PRH1: variants seen among roughly 807,000 people sequenced by gnomAD.
PRH1 encodes the protein salivary acidic proline-rich phosphoprotein 1/2.
A neutral mutation model predicts 7.9 loss-of-function variants in PRH1; 7 were observed. The ratio of observed to expected loss-of-function variants is 0.89; its 90% CI spans 0.50 to 1.67. PRH1 has a LOEUF of 1.67. Among genes scored for constraint, PRH1 ranks in the 40% most tolerant of loss-of-function variants. The pLI is 0.00. For synonymous variants in PRH1, 45 were observed against 80.8 expected, an observed-to-expected ratio of 0.56 and a Z score of 2.38; for missense variants, 109 against 223.6, an observed-to-expected ratio of 0.49 and a Z score of 3.27.
At chr12:11,153,393 T>G (rs1477799944) in intron 1 of PRH1, among the ~76,000 whole-genome samples, 1 of 152,232 alleles carries the variant, frequency 6.6e-6, no homozygotes, top group African/African-American at 2.4e-5. Flanking sequence ...TCTTGAAAAT[T>G]GTATTTACAA....
intron 2 of PRH1, among the ~76,000 whole-genome samples, chr12:10,926,570 CG>C (rs1438743791): frequency 1.3e-5 from 2 of 152,116 alleles, no homozygotes; most frequent in African/African-American, 4.8e-5. Context: ...CTCTGATTGT[CG>C]TGAGGGAACT....
chr12:11,058,893 G>A (rs1943474504), intron 1 of PRH1, among the ~76,000 whole-genome samples: 1 of 152,158 alleles, frequency 6.6e-6, no homozygotes, highest in African/African-American at 2.4e-5. Context: ...AAAGAGTGGT[G>A]GTATTGGACA....
chr12:10,930,936 A>C (rs1411983766), intron 2 of PRH1: 29 of 1,606,900 alleles, frequency 1.8e-5, no homozygotes, highest in Non-Finnish European at 2.4e-5. Context: ...GAGGAAGGCC[A>C]CAAGGACCAC....
intron 1 of PRH1, among the ~76,000 whole-genome samples, chr12:11,157,614 A>T (rs1365703226): frequency 6.6e-6 from 1 of 152,224 alleles, no homozygotes; most frequent in African/African-American, 2.4e-5. Flanking sequence ...AAGATTATTT[A>T]TAAATCATTT....
intron 1 of PRH1, chr12:11,171,272 T>G: frequency 1.1e-6 from 1 of 919,186 alleles, no homozygotes; most frequent in Non-Finnish European, 1.4e-6. Context: ...CTTACCGTCC[T>G]GCCGGTCCCA....
At chr12:10,970,982 A>G (rs1364871838) in intron 2 of PRH1, among the ~76,000 whole-genome samples, 1 of 152,220 alleles carries the variant, frequency 6.6e-6, no homozygotes, top group African/African-American at 2.4e-5. Context: ...GTAATTTTAT[A>G]TTCATTATTT....
At chr12:11,035,449 ACT>A (rs1410010587) in intron 1 of PRH1, among the ~76,000 whole-genome samples, 1 of 151,906 alleles carries the variant, frequency 6.6e-6, no homozygotes, top group South Asian at 2.1e-4. Flanking sequence ...AAAATTGATT[ACT>A]CTTTTTGTTT....
intron 1 of PRH1, among the ~76,000 whole-genome samples, chr12:11,065,054 A>G (rs1309787259): frequency 6.6e-6 from 1 of 152,038 alleles, no homozygotes; most frequent in African/African-American, 2.4e-5. Context: ...AATAATACTG[A>G]TAATAATAAT....
At chr12:11,042,623 C>CTTTTTTTTTTTTTTTTTTTTTTTGTT (rs1942753007) in intron 1 of PRH1, among the ~76,000 whole-genome samples, 1 of 79,320 alleles carries the variant, frequency 1.3e-5, no homozygotes, top group Non-Finnish European at 2.3e-5. Flanking sequence ...CAGGCTCATT[C>CTTTTTTTTTTTTTTTTTTTTTTTGTT]TTTTTTTTTT....
At chr12:10,967,012 G>T (rs1938534271) in intron 2 of PRH1, among the ~76,000 whole-genome samples, 1 of 151,854 alleles carries the variant, frequency 6.6e-6, no homozygotes, top group Non-Finnish European at 1.5e-5. Flanking sequence ...CTACTTGGGA[G>T]GCTGAGGCAG....
chr12:10,900,785 C>G (rs1209353030), intron 2 of PRH1, among the ~76,000 whole-genome samples: 2 of 152,192 alleles, frequency 1.3e-5, no homozygotes, highest in African/African-American at 4.8e-5. Flanking sequence ...GCAGCTTCAT[C>G]TGCTCCACCC....
intron 1 of PRH1, among the ~76,000 whole-genome samples, chr12:11,010,302 T>C (rs543086326): frequency 1.1e-4 from 17 of 151,768 alleles, no homozygotes; most frequent in African/African-American, 1.4e-4. Flanking sequence ...GTGTAGATGA[T>C]TGATGATGAT....
At chr12:11,171,361 C>A (rs1947837745) in intron 1 of PRH1, 1 of 1,231,576 alleles carries the variant, frequency 8.1e-7, no homozygotes, top group Non-Finnish European at 1.0e-6. Flanking sequence ...TGGCTCATGG[C>A]CCCCGCGGCG....
chr12:10,898,775 G>C (rs187335721), intron 2 of PRH1, among the ~76,000 whole-genome samples: 117 of 152,282 alleles, frequency 7.7e-4, no homozygotes, highest in Non-Finnish European at 1.4e-3. Flanking sequence ...CCTAAAGTAG[G>C]TAAAGAAATT....
At chr12:10,908,861 T>C (rs200499053) in intron 2 of PRH1, 26 of 1,613,156 alleles carry the variant, frequency 1.6e-5, no homozygotes, top group Non-Finnish European at 2.0e-5. Context: ...TGTTTATTTG[T>C]ATCAGATTTA....
chr12:11,051,334 T>G (rs7956911), upstream of PRH1, among the ~76,000 whole-genome samples: 3,100 of 152,268 alleles, frequency 0.02, 104 homozygotes, highest in African/African-American at 0.07. Flanking sequence ...TTAAAATCTT[T>G]TAGAGCTGTA....
chr12:11,024,036 GA>G (rs995289730), intron 1 of PRH1, among the ~76,000 whole-genome samples: 1 of 152,174 alleles, frequency 6.6e-6, no homozygotes, highest in Non-Finnish European at 1.5e-5. Context: ...AAACCTAAAA[GA>G]AAAACCTATT....
intron 1 of PRH1, among the ~76,000 whole-genome samples, chr12:11,053,211 T>TGC (rs1237493150): frequency 0.031 from 2,794 of 89,464 alleles, no homozygotes; most frequent in East Asian, 0.088. Flanking sequence ...AGATACATCA[T>TGC]TGTATTCCAT....
At chr12:10,960,671 T>C (rs1938196360) in intron 2 of PRH1, among the ~76,000 whole-genome samples, 2 of 152,200 alleles carry the variant, frequency 1.3e-5, no homozygotes, top group Admixed American at 6.5e-5. Flanking sequence ...AATATATTAA[T>C]AATATTACTT....
Sources: gnomAD v4.1 joint callset for allele counts (sites outside exome capture counted in the v4.1 genomes callset) on GRCh38, gnomAD v4.1.1 for gene constraint, MANE v1.5 for transcripts, NCBI Gene and HGNC (gene_info 2026-07-23, HGNC 2026-07-21) for gene names.